The following MICAL2 variants were observed in gnomAD, a reference collection of about 807,000 sequenced individuals.
MICAL2 encodes the protein microtubule associated monooxygenase, calponin and LIM domain containing 2.
In MICAL2, 77 loss-of-function variants were observed where a neutral mutation model predicts 127.3. That is an observed-to-expected ratio of 0.60 (90% CI 0.50 to 0.73). The LOEUF (loss-of-function observed/expected upper bound fraction) is 0.73, where lower values mean the gene tolerates loss of function less well. Among genes scored for constraint, MICAL2 ranks in the 30% least tolerant of loss-of-function variants. MICAL2 has a pLI of 0.00. For missense variants in MICAL2, 1,351 were observed against 1,434.4 expected (o/e 0.94, Z 0.94); for synonymous variants, 570 against 551.1 (o/e 1.03, Z -0.48).
Position 12,224,723 on chromosome 11 carries a change from G to C in MICAL2, c.1591G>C (p.Glu531Gln). Residue 531 changes from glutamate to glutamine, a missense_variant, in exon 13 of 28, where the codon GAG (glutamate) becomes CAG (glutamine). Glu to Gln is a conservative substitution (Grantham distance 29). This residue lies in a region of MICAL2 where 599 missense variants were observed against 714.9 expected (regional missense o/e 0.84). Transcript: ENST00000683283. ...KLLTWCQQQT[E>Q]GYQHVNVTDL... ...CCTGACCTGGTGCCAGCAGCAGACA[G>C]AGGGCTACCAGCATGTCAACGTCAC... The C allele has an allele frequency of 6.2e-7, 1 of 1,614,222 alleles. No individual in the cohort carries two copies. The highest frequency in any genetic ancestry group is 2.2e-5 in the East Asian group (1 of 44,874).
intron 32 of MICAL2, among the ~76,000 whole-genome samples, chr11:12,334,044 T>C (rs370575889): frequency 7.7e-4 from 117 of 152,330 alleles, no homozygotes; most frequent in African/African-American, 2.5e-3. Context: ...AGGACTTTAA[T>C]GTGAAAATTG....
intron 3 of MICAL2, among the ~76,000 whole-genome samples, chr11:12,187,713 G>A: frequency 6.6e-6 from 1 of 152,286 alleles, no homozygotes; most frequent in Middle Eastern, 3.4e-3. Context: ...TGAGTTGTCC[G>A]TATCTGTCTT....
At chr11:12,125,801 G>C (rs1850871055) in intron 1 of MICAL2, among the ~76,000 whole-genome samples, 3 of 152,226 alleles carry the variant, frequency 2.0e-5, no homozygotes, top group South Asian at 4.1e-4. Flanking sequence ...AGGAGTAGGA[G>C]GGAAACTTTT....
chr11:12,299,482 A>C (rs1226381429), intron 29 of MICAL2, among the ~76,000 whole-genome samples: 3 of 152,214 alleles, frequency 2.0e-5, no homozygotes, highest in African/African-American at 7.2e-5. Context: ...TATTTTTATA[A>C]GACAACTTTC....
chr11:12,341,369 C>T (rs976621337), intron 32 of MICAL2, among the ~76,000 whole-genome samples: 3 of 151,828 alleles, frequency 2.0e-5, no homozygotes, highest in African/African-American at 4.8e-5. Flanking sequence ...TTATGAACCA[C>T]GCAGCAAAAC....
chr11:12,249,589 G>A (rs570886358), intron 22 of MICAL2, among the ~76,000 whole-genome samples: 1 of 152,356 alleles, frequency 6.6e-6, no homozygotes, highest in South Asian at 2.1e-4. Context: ...CAGTGAGGAT[G>A]TCCTTGCCCA....
chr11:12,238,528 C>T (rs559974576), intron 16 of MICAL2, among the ~76,000 whole-genome samples: 1 of 152,244 alleles, frequency 6.6e-6, no homozygotes, highest in East Asian at 1.9e-4. Flanking sequence ...CAGACCAACC[C>T]AGATTGAGGG....
chr11:12,188,440 T>C (rs1209640352), intron 3 of MICAL2, among the ~76,000 whole-genome samples: 1 of 151,952 alleles, frequency 6.6e-6, no homozygotes, highest in Non-Finnish European at 1.5e-5. Context: ...GTCATGCTGT[T>C]GGGAGAGTGG....
chr11:12,123,489 A>C (rs1018306124), intron 1 of MICAL2, among the ~76,000 whole-genome samples: 31 of 152,082 alleles, frequency 2.0e-4, no homozygotes, highest in Non-Finnish European at 4.3e-4. Context: ...TTTTTTGTTA[A>C]CAACCAGGAC....
At chr11:12,240,966 G>A in intron 17 of MICAL2, 74 bp from the exon 18 acceptor site, 1 of 1,559,434 alleles carries the variant, frequency 6.4e-7, no homozygotes, top group South Asian at 1.2e-5. Context: ...CTCCCTCCAA[G>A]CCTCTCAATC....
At chr11:12,165,470 C>T (rs1855391471) in intron 3 of MICAL2, among the ~76,000 whole-genome samples, 1 of 152,230 alleles carries the variant, frequency 6.6e-6, no homozygotes, top group Non-Finnish European at 1.5e-5. Flanking sequence ...ATACATGTGG[C>T]TGATCATTAA....
At chr11:12,178,470 G>C (rs1026716855) in intron 3 of MICAL2, among the ~76,000 whole-genome samples, 1 of 151,936 alleles carries the variant, frequency 6.6e-6, no homozygotes, top group Non-Finnish European at 1.5e-5. Flanking sequence ...GTATGGGGGT[G>C]GGGGGCAGGC....
chr11:12,236,456 A>C (rs1859072279), intron 16 of MICAL2, among the ~76,000 whole-genome samples: 1 of 152,234 alleles, frequency 6.6e-6, no homozygotes, highest in Non-Finnish European at 1.5e-5. Flanking sequence ...ACAACCTCCC[A>C]GGATGTGGTT....
intron 25 of MICAL2, among the ~76,000 whole-genome samples, 170 bp downstream of exon 25, chr11:12,258,726 G>A (rs1461841460): frequency 6.6e-6 from 1 of 152,232 alleles, no homozygotes; most frequent in Non-Finnish European, 1.5e-5. Context: ...GCTTCAGTCT[G>A]TTCCACAGCC....
intron 1 of MICAL2, among the ~76,000 whole-genome samples, chr11:12,111,307 C>G (rs1271381732): frequency 6.6e-6 from 1 of 152,334 alleles, no homozygotes; most frequent in East Asian, 1.9e-4. Context: ...GCGGCACTGT[C>G]CGCTCTGCAT....
intron 31 of MICAL2, among the ~76,000 whole-genome samples, chr11:12,325,400 G>A (rs768234600): frequency 8.5e-5 from 13 of 152,146 alleles, no homozygotes; most frequent in East Asian, 1.9e-4. Flanking sequence ...GTGAGCCACC[G>A]TGCCCAGCCT....
At chr11:12,251,369 A>G (rs1232236607) in intron 22 of MICAL2, among the ~76,000 whole-genome samples, 2 of 152,052 alleles carry the variant, frequency 1.3e-5, no homozygotes, top group Non-Finnish European at 2.9e-5. Context: ...GCCCAGGGCA[A>G]CATTCACCTT....
At chr11:12,220,163 A>AG in intron 8 of MICAL2, 38 bp from the exon 9 acceptor site, 1 of 1,611,700 alleles carries the variant, frequency 6.2e-7, no homozygotes, top group Non-Finnish European at 8.5e-7. Context: ...AGCCCTTTAG[A>AG]GGGGGAGGTT....
chr11:12,257,563 A>C (rs12287492), intron 24 of MICAL2, among the ~76,000 whole-genome samples: 88 of 152,270 alleles, frequency 5.8e-4, no homozygotes, highest in African/African-American at 2.1e-3. Flanking sequence ...ACACCCTCAA[A>C]TTAAACTGCC....
Sources: gnomAD v4.1 joint callset for allele counts (sites outside exome capture counted in the v4.1 genomes callset) on GRCh38, gnomAD v4.1.1 for gene constraint, gnomAD v4.1.1 regional missense constraint, MANE v1.5 for transcripts, NCBI Gene and HGNC (gene_info 2026-07-23, HGNC 2026-07-21) for gene names.